MEIS2: variants seen among roughly 807,000 people sequenced by gnomAD.
MEIS2 encodes homeobox protein Meis2.
A neutral mutation model predicts 58.6 loss-of-function variants in MEIS2; 9 were observed. The ratio of observed to expected loss-of-function variants is 0.15; its 90% CI spans 0.09 to 0.27. The LOEUF (loss-of-function observed/expected upper bound fraction) is 0.27, where lower values mean the gene tolerates loss of function less well. Ranked by LOEUF, MEIS2 falls within the 10% of genes least tolerant of loss-of-function variation. MEIS2 has a pLI of 1.00. For synonymous variants in MEIS2, 221 were observed against 228.4 expected (o/e 0.97, Z 0.29); for missense variants, 427 against 635.0 (o/e 0.67, Z 3.52).
intron 8 of MEIS2, among the ~76,000 whole-genome samples, chr15:37,035,804 C>G (rs2062126690): frequency 6.6e-6 from 1 of 152,214 alleles, no homozygotes; most frequent in African/African-American, 2.4e-5. Flanking sequence ...GCAGCCACCA[C>G]CATAAATAAA....
intron 3 of MEIS2, 31 bp from the exon 4 acceptor site, chr15:37,095,645 T>A (rs116985126): frequency 0.015 from 24,370 of 1,614,116 alleles, 216 homozygotes; most frequent in Non-Finnish European, 0.017. Flanking sequence ...ACTTGAACGA[T>A]CACCCCATTT....
At chr15:36,965,562 G>A (rs530425588) in intron 8 of MEIS2, among the ~76,000 whole-genome samples, 2 of 152,318 alleles carry the variant, frequency 1.3e-5, no homozygotes, top group Admixed American at 6.5e-5. Context: ...GCCAATAACT[G>A]TAGGATGAAT....
chr15:36,909,316 G>A (rs185174468), intron 9 of MEIS2, among the ~76,000 whole-genome samples: 40 of 152,202 alleles, frequency 2.6e-4, no homozygotes, highest in African/African-American at 8.7e-4. Flanking sequence ...GCCTTAGAGA[G>A]CAGGGGCCAC....
rs191242465 is a variant in MEIS2 at position 37,095,789 on chromosome 15, A to G, written c.388-175T>C. ...GGAGTCCCTGAAGAAGAATCAGGGC[A>G]TTCTGGTCCTGGCCCCATTAAGGGG... On this transcript the variant is annotated intron_variant, in intron 3 of 11. Transcript: ENST00000561208. The G allele has an allele frequency of 5.7e-6, 5 of 883,206 alleles. No homozygotes were observed. In the African/African-American group the frequency reaches 6.8e-5, roughly 12 times the overall value. 54.7% of individuals were successfully genotyped at this position (883,206 alleles called of 1,614,324 possible).
rs1011398557 is a variant in MEIS2 at position 37,048,948 on chromosome 15, A to G, written c.755-11989T>C. ...AAACTATATTTTGAACATTTTTTCA[A>G]AGAACATTTTCATACAATAGAGTTT... On this transcript the variant is annotated intron_variant, in intron 7 of 11. Coordinates refer to ENST00000561208, the MANE Select transcript of MEIS2 (RefSeq NM_170675.5). 8.5e-5 allele frequency among the ~76,000 whole-genome samples: 13 copies of G among 152,322 alleles called. No homozygotes were observed. In the East Asian group the frequency reaches 2.5e-3, roughly 29 times the overall value.
intron 9 of MEIS2, among the ~76,000 whole-genome samples, chr15:36,902,338 A>C (rs2056518910): frequency 6.6e-6 from 1 of 152,216 alleles, no homozygotes; most frequent in Non-Finnish European, 1.5e-5. Flanking sequence ...GATCTTTCTA[A>C]AAATCGGAGT....
intron 8 of MEIS2, among the ~76,000 whole-genome samples, chr15:37,004,800 T>C (rs2060857928): frequency 6.6e-6 from 1 of 152,194 alleles, no homozygotes; most frequent in Non-Finnish European, 1.5e-5. Context: ...CAGATAATGT[T>C]CCATCAAGAT....
At chr15:37,075,748 C>T (rs1891319940) in intron 7 of MEIS2, among the ~76,000 whole-genome samples, 2 of 151,918 alleles carry the variant, frequency 1.3e-5, no homozygotes, top group South Asian at 4.1e-4. Context: ...GTAAAAAGTG[C>T]CATGGGAGTG....
At chr15:37,020,780 C>T (rs1459961822) in intron 8 of MEIS2, among the ~76,000 whole-genome samples, 1 of 151,186 alleles carries the variant, frequency 6.6e-6, no homozygotes, top group African/African-American at 2.4e-5. Context: ...AACCTTTGAA[C>T]TTTTCCATAC....
chr15:36,952,686 T>C (rs183728648), intron 8 of MEIS2, among the ~76,000 whole-genome samples: 1 of 151,110 alleles, frequency 6.6e-6, no homozygotes, highest in South Asian at 2.1e-4. Context: ...AAGGTTTAGA[T>C]GAAATAAAGG....
chr15:37,094,497 T>C, intron 5 of MEIS2, 30 bp downstream of exon 5: 6 of 1,608,034 alleles, frequency 3.7e-6, no homozygotes, highest in Non-Finnish European at 5.1e-6. Context: ...AATGGTTTAA[T>C]CAACACGGGG....
chr15:36,892,161 A>G lies in MEIS2; in HGVS notation c.*12T>C. On this transcript the variant is annotated 3_prime_UTR_variant, in exon 12 of 12. Coordinates refer to ENST00000561208, the MANE Select transcript of MEIS2 (RefSeq NM_170675.5). ...TTTGCGTGTGTTTCCTTTTCCCTTG[A>G]GTTCCCTTATACTATTGGGCATGAA... 1 of 1,613,310 alleles carries G rather than the reference A, an allele frequency of 6.2e-7. No homozygotes were observed. Among genetic ancestry groups the G allele is most frequent in the African/African-American group, 1.3e-5 (1 of 75,020 alleles).
intron 11 of MEIS2, chr15:36,894,338 C>A (rs1219122431): frequency 6.1e-6 from 1 of 165,180 alleles, no homozygotes; most frequent in Non-Finnish European, 1.3e-5. Flanking sequence ...TTCTACTTTT[C>A]CTTTTTTTTT....
chr15:37,005,366 A>C (rs954534761), intron 8 of MEIS2, among the ~76,000 whole-genome samples: 1 of 152,224 alleles, frequency 6.6e-6, no homozygotes, highest in African/African-American at 2.4e-5. Flanking sequence ...TGCTCAGTTG[A>C]CTTAACTGAA....
rs2056337220 is a variant in MEIS2, at chr15:36,899,082, G to A, written c.978-2396C>T. 3.3e-5 allele frequency among the ~76,000 whole-genome samples: 5 copies of A among 152,060 alleles called. No individual in the cohort carries two copies. In the South Asian group the frequency reaches 1.0e-3, roughly 32 times the overall value. ...ACAGAGATTTTGCTTTTTTCACTTG[G>A]GCACCATTTAGCCTCTCTGGATTTT... On this transcript the variant is annotated intron_variant, in intron 9 of 11. Coordinates refer to ENST00000561208, the MANE Select transcript of MEIS2 (RefSeq NM_170675.5).
chr15:37,037,112 T>C (rs1265309626), intron 7 of MEIS2, among the ~76,000 whole-genome samples, 153 bp from the exon 8 acceptor site: 1 of 152,164 alleles, frequency 6.6e-6, no homozygotes, highest in Non-Finnish European at 1.5e-5. Context: ...CACAAATATG[T>C]AAAAGACAAA....
chr15:37,072,058 T>C (rs1032738265), intron 7 of MEIS2, among the ~76,000 whole-genome samples: 2 of 152,004 alleles, frequency 1.3e-5, no homozygotes, highest in Non-Finnish European at 2.9e-5. Context: ...GTAATGTCAG[T>C]CCTCTCCCCT....
At chr15:36,938,486 C>T (rs930563864) in intron 9 of MEIS2, among the ~76,000 whole-genome samples, 1 of 152,184 alleles carries the variant, frequency 6.6e-6, no homozygotes, top group African/African-American at 2.4e-5. Context: ...ATTTTCGTCC[C>T]ATGCTGAATT....
chr15:37,100,708 AGTGTGT>A (rs932464293), upstream of MEIS2, among the ~76,000 whole-genome samples: 2 of 145,350 alleles, frequency 1.4e-5, no homozygotes, highest in Non-Finnish European at 3.0e-5. Flanking sequence ...TGTGTGTGTG[AGTGTGT>A]GTGTATGTGT....
Sources: gnomAD v4.1 joint callset for allele counts (sites outside exome capture counted in the v4.1 genomes callset) on GRCh38, gnomAD v4.1.1 for gene constraint, MANE v1.5 for transcripts, NCBI Gene and HGNC (gene_info 2026-07-23, HGNC 2026-07-21) for gene names.